The following ARMC3 variants were observed in gnomAD, a reference collection of about 807,000 sequenced individuals.
The protein encoded by ARMC3 is armadillo repeat containing 3.
A neutral mutation model predicts 90.3 loss-of-function variants in ARMC3; 74 were observed. The ratio of observed to expected loss-of-function variants is 0.82; its 90% CI spans 0.68 to 0.99. ARMC3 has a LOEUF of 0.99. Ranked by LOEUF, ARMC3 falls within the 50% of genes least tolerant of loss-of-function variation. The pLI, the probability that ARMC3 is intolerant of heterozygous loss-of-function variation, is 0.00. For missense variants in ARMC3, 958 were observed against 1,042.8 expected (o/e 0.92, Z 1.12); for synonymous variants, 334 against 361.8 (o/e 0.92, Z 0.87).
chr10:22,953,366 G>T (rs538677423), intron 3 of ARMC3, among the ~76,000 whole-genome samples: 90 of 152,132 alleles, frequency 5.9e-4, no homozygotes, highest in African/African-American at 2.1e-3. Context: ...TAAACCACTA[G>T]ATTTGTTATT....
intron 10 of ARMC3, among the ~76,000 whole-genome samples, chr10:22,987,500 G>C (rs967406104): frequency 6.6e-6 from 1 of 152,190 alleles, no homozygotes; most frequent in Admixed American, 6.5e-5. Flanking sequence ...ATAAAGATTA[G>C]TATAAATGTT....
chr10:23,010,996 T>C (rs1006213812), intron 16 of ARMC3, among the ~76,000 whole-genome samples: 1 of 134,312 alleles, frequency 7.4e-6, no homozygotes, highest in Non-Finnish European at 1.6e-5. Flanking sequence ...TTTTCTCCTC[T>C]CTCCTTCCCT....
chr10:23,023,688 TATA>T (rs1452958331), intron 16 of ARMC3, among the ~76,000 whole-genome samples: 15 of 151,980 alleles, frequency 9.9e-5, no homozygotes, highest in African/African-American at 3.6e-4. Context: ...AACTGAAAAG[TATA>T]ATAACAGAAA....
intron 2 of ARMC3, among the ~76,000 whole-genome samples, chr10:22,941,588 G>T (rs1281970815): frequency 6.6e-6 from 1 of 152,180 alleles, no homozygotes; most frequent in Admixed American, 6.5e-5. Flanking sequence ...TTAAATAAAT[G>T]AATTAATGAA....
At chr10:23,034,182 GGATT>G (rs1479575332) in intron 18 of ARMC3, among the ~76,000 whole-genome samples, 1 of 151,120 alleles carries the variant, frequency 6.6e-6, no homozygotes, top group Non-Finnish European at 1.5e-5. Flanking sequence ...CTATTCCCTT[GGATT>G]GCCTGCTCTA....
intron 4 of ARMC3, 52 bp from the exon 5 acceptor site, chr10:22,959,018 C>T (rs951699076): frequency 9.8e-6 from 14 of 1,426,834 alleles, no homozygotes; most frequent in Admixed American, 3.4e-5. Flanking sequence ...CCACCACACC[C>T]GGCCTATTAT....
chr10:23,011,208 C>T (rs1248929157), intron 16 of ARMC3, among the ~76,000 whole-genome samples: 7 of 152,022 alleles, frequency 4.6e-5, no homozygotes, highest in Admixed American at 3.3e-4. Flanking sequence ...CTGGCTGGCA[C>T]TCATAGGCAT....
chr10:22,989,097 CA>C (rs1409225788), intron 10 of ARMC3, among the ~76,000 whole-genome samples: 2 of 151,640 alleles, frequency 1.3e-5, no homozygotes, highest in Non-Finnish European at 2.9e-5. Context: ...GGGGGAGGGG[CA>C]AAAAAGGTAA....
At chr10:22,933,871 C>T (rs1049696460) in intron 2 of ARMC3, among the ~76,000 whole-genome samples, 5 of 152,152 alleles carry the variant, frequency 3.3e-5, no homozygotes, top group South Asian at 2.1e-4. Flanking sequence ...GGCAACAGAG[C>T]GAGACTGCAT....
intron 16 of ARMC3, among the ~76,000 whole-genome samples, chr10:23,012,889 CTT>C (rs553944945): frequency 1.6e-4 from 22 of 134,416 alleles, no homozygotes; most frequent in African/African-American, 4.7e-4. Context: ...TAGCCCCCAC[CTT>C]TTTTTTTTTT....
chr10:22,962,886 C>T (rs970264936), intron 7 of ARMC3, among the ~76,000 whole-genome samples: 5 of 152,156 alleles, frequency 3.3e-5, no homozygotes, highest in African/African-American at 1.2e-4. Flanking sequence ...ATGTTCCCAG[C>T]CATGTGGACC....
At chr10:22,954,123 G>C (rs1834835204) in intron 3 of ARMC3, among the ~76,000 whole-genome samples, 1 of 152,162 alleles carries the variant, frequency 6.6e-6, no homozygotes. Flanking sequence ...ACTAATGATG[G>C]AGAGAAAAAT....
intron 10 of ARMC3, among the ~76,000 whole-genome samples, chr10:22,991,013 C>T (rs1836687021): frequency 6.6e-6 from 1 of 151,972 alleles, no homozygotes; most frequent in Admixed American, 6.6e-5. Flanking sequence ...CTTCCTCTGC[C>T]TCCTCCTCCT....
At chr10:23,002,447 C>A (rs1027093419) in intron 12 of ARMC3, among the ~76,000 whole-genome samples, 1 of 152,158 alleles carries the variant, frequency 6.6e-6, no homozygotes, top group Non-Finnish European at 1.5e-5. Context: ...ACCAGAATTC[C>A]GCATTTCACC....
At chr10:23,015,152 AG>A (rs1237524948) in intron 16 of ARMC3, among the ~76,000 whole-genome samples, 2 of 152,186 alleles carry the variant, frequency 1.3e-5, no homozygotes, top group Admixed American at 1.3e-4. Flanking sequence ...TATGGAGAAG[AG>A]AAAGGGGAAG....
At chr10:23,008,505 C>G in intron 15 of ARMC3, 131 bp downstream of exon 15, 1 of 648,256 alleles carries the variant, frequency 1.5e-6, no homozygotes, top group South Asian at 1.9e-5. Context: ...GCATAATTGC[C>G]TTTTACATTG....
rs147160273 is a variant in ARMC3 at position 22,931,614 on chromosome 10, T to C, written c.-1-382T>C. ...GTGCAAGAAAATAGACAAAAACCTC[T>C]GCCTTTGTGGCACAAACATTCTTGC... is the stretch of plus-strand genomic sequence containing the variant. On this transcript the variant is annotated intron_variant, in intron 1 of 18. Transcript: ENST00000298032. Among the ~76,000 whole-genome samples, 1,091 of 152,326 alleles carry C rather than the reference T, an allele frequency of 7.2e-3. 26 individuals are homozygous for C. Among genetic ancestry groups the C allele is most frequent in the Non-Finnish European group, 5.8e-3 (396 of 68,030 alleles).
chr10:22,944,099 T>C (rs1312746314), intron 2 of ARMC3, among the ~76,000 whole-genome samples: 24 of 152,110 alleles, frequency 1.6e-4, no homozygotes, highest in Non-Finnish European at 5.9e-5. Flanking sequence ...TGTTTAAGAG[T>C]GTATGGTTGA....
intron 18 of ARMC3, 113 bp downstream of exon 18, chr10:23,033,136 G>A: frequency 9.9e-7 from 1 of 1,011,412 alleles, no homozygotes; most frequent in Non-Finnish European, 1.5e-6. Flanking sequence ...CTACCATTTA[G>A]ATTTATTTAT....
Sources: gnomAD v4.1 joint callset for allele counts (sites outside exome capture counted in the v4.1 genomes callset) on GRCh38, gnomAD v4.1.1 for gene constraint, MANE v1.5 for transcripts, NCBI Gene and HGNC (gene_info 2026-07-23, HGNC 2026-07-21) for gene names.